The following CNTNAP2 variants were observed in gnomAD, a reference collection of about 807,000 sequenced individuals.
CNTNAP2 encodes the protein contactin-associated protein-like 2.
A neutral mutation model predicts 155.2 loss-of-function variants in CNTNAP2; 98 were observed. That is an observed-to-expected ratio of 0.63 (90% CI 0.54 to 0.75). The LOEUF is 0.75. CNTNAP2 is among the 30% of genes least tolerant of loss of function. The pLI, the probability that CNTNAP2 is intolerant of heterozygous loss-of-function variation, is 0.00. For synonymous variants in CNTNAP2, 651 were observed against 631.2 expected (o/e 1.03, Z -0.47); for missense variants, 1,727 against 1,688.1 (o/e 1.02, Z -0.40).
At chr7:146,491,744 C>T (rs1797142818) in intron 1 of CNTNAP2, among the ~76,000 whole-genome samples, 1 of 152,072 alleles carries the variant, frequency 6.6e-6, no homozygotes, top group Non-Finnish European at 1.5e-5. Flanking sequence ...TCTGTGGATA[C>T]AAAAGAAGTA....
At chr7:146,445,466 G>A (rs921560654) in intron 1 of CNTNAP2, among the ~76,000 whole-genome samples, 2 of 152,248 alleles carry the variant, frequency 1.3e-5, no homozygotes, top group South Asian at 4.1e-4. Flanking sequence ...TTTCACATGA[G>A]GTAACAAAAG....
rs572789417 is a variant in CNTNAP2, at chr7:146,659,917, G to A, written c.98-114354G>A. On this transcript the variant is annotated intron_variant, in intron 1 of 23. Coordinates refer to ENST00000361727, the MANE Select transcript of CNTNAP2 (RefSeq NM_014141.6). ...TGTTGGCACAGTGCTGAAGGATGGC[G>A]GCTGGCCAGCCTGCTTTACAAGTGA... 2.4e-4 allele frequency among the ~76,000 whole-genome samples: 36 copies of A among 152,300 alleles called. 1 individual carries two copies. The highest frequency in any genetic ancestry group is 8.2e-4 in the African/African-American group (34 of 41,564).
At chr7:147,668,584 T>C (rs1795736847) in intron 13 of CNTNAP2, among the ~76,000 whole-genome samples, 1 of 152,166 alleles carries the variant, frequency 6.6e-6, no homozygotes, top group Admixed American at 6.5e-5. Flanking sequence ...GTTTGGGTCT[T>C]AGTTTTTAAC....
intron 3 of CNTNAP2, among the ~76,000 whole-genome samples, chr7:147,038,342 T>C (rs781399606): frequency 2.6e-5 from 4 of 152,190 alleles, no homozygotes; most frequent in African/African-American, 4.8e-5. Context: ...AAATCTCAAA[T>C]GCAGTATATC....
At chr7:147,653,665 A>AG (rs1274205604) in intron 13 of CNTNAP2, among the ~76,000 whole-genome samples, 2 of 152,102 alleles carry the variant, frequency 1.3e-5, no homozygotes, top group Non-Finnish European at 1.5e-5. Context: ...AGCAGAGGGG[A>AG]GGGAGGTCCT....
intron 1 of CNTNAP2, among the ~76,000 whole-genome samples, chr7:146,303,626 C>A (rs2129088869): frequency 6.6e-6 from 1 of 152,184 alleles, no homozygotes; most frequent in East Asian, 1.9e-4. Flanking sequence ...GCACTGTGGT[C>A]TGAGAGACAG....
At chr7:148,409,811 G>C (rs1799787130) in intron 23 of CNTNAP2, among the ~76,000 whole-genome samples, 1 of 97,372 alleles carries the variant, frequency 1.0e-5, no homozygotes. Context: ...CAGCACTTTG[G>C]GAGGCCGAGG....
intron 15 of CNTNAP2, among the ~76,000 whole-genome samples, chr7:148,112,705 T>C (rs1404769748): frequency 6.6e-6 from 1 of 152,092 alleles, no homozygotes; most frequent in Non-Finnish European, 1.5e-5. Context: ...TGAATTTCAA[T>C]ATAACCAAAA....
chr7:147,116,592 CA>C (rs760616265), intron 5 of CNTNAP2, among the ~76,000 whole-genome samples: 3 of 152,242 alleles, frequency 2.0e-5, no homozygotes, highest in African/African-American at 7.2e-5. Context: ...CACACCTTGA[CA>C]AAACAGCTAT....
At chr7:146,366,549 A>G (rs1225008625) in intron 1 of CNTNAP2, among the ~76,000 whole-genome samples, 1 of 152,144 alleles carries the variant, frequency 6.6e-6, no homozygotes, top group African/African-American at 2.4e-5. Flanking sequence ...CACAAAAAGT[A>G]TTTTTGAAAT....
intron 10 of CNTNAP2, among the ~76,000 whole-genome samples, chr7:147,432,885 C>T (rs1016484777): frequency 1.3e-5 from 2 of 152,176 alleles, no homozygotes; most frequent in African/African-American, 4.8e-5. Context: ...CCTTCACTGG[C>T]ACTTACCTAA....
At chr7:146,995,937 C>T (rs1798300630) in intron 3 of CNTNAP2, among the ~76,000 whole-genome samples, 2 of 150,870 alleles carry the variant, frequency 1.3e-5, no homozygotes, top group African/African-American at 4.9e-5. Context: ...ATATTTAAAA[C>T]AAAACAAAAC....
At chr7:146,330,398 C>CT (rs1227512682) in intron 1 of CNTNAP2, among the ~76,000 whole-genome samples, 2 of 152,026 alleles carry the variant, frequency 1.3e-5, no homozygotes, top group Non-Finnish European at 2.9e-5. Context: ...GTTCCTGTAT[C>CT]TTTTTTGAAG....
intron 13 of CNTNAP2, among the ~76,000 whole-genome samples, chr7:147,771,493 A>G (rs1210891721): frequency 1.3e-5 from 2 of 152,204 alleles, no homozygotes; most frequent in South Asian, 2.1e-4. Flanking sequence ...TAAGGCAGGG[A>G]GGCTACAGCT....
At chr7:146,983,015 A>G (rs1253710942) in intron 3 of CNTNAP2, among the ~76,000 whole-genome samples, 1 of 152,214 alleles carries the variant, frequency 6.6e-6, no homozygotes, top group Admixed American at 6.5e-5. Flanking sequence ...TTGTTAAACC[A>G]CAATATTAAA....
Position 146,702,261 on chromosome 7 carries a change from C to T in CNTNAP2, c.98-72010C>T, listed in dbSNP as rs146226480. Among the ~76,000 whole-genome samples the T allele has an allele frequency of 3.2e-3, 480 of 151,862 alleles. 4 individuals are homozygous for T. Among genetic ancestry groups the T allele is most frequent in the African/African-American group, 9.0e-3 (372 of 41,442 alleles). On this transcript the variant is annotated intron_variant, in intron 1 of 23. Transcript: ENST00000361727. ...AATTAAGTAGTTTTATTCTATTAAA[C>T]GGGTATAGAATTGTGAAATTCTTTA...
At chr7:148,117,390 A>G (rs1264065633) in intron 15 of CNTNAP2, among the ~76,000 whole-genome samples, 1 of 152,200 alleles carries the variant, frequency 6.6e-6, no homozygotes, top group Non-Finnish European at 1.5e-5. Context: ...GAGGTGAGGA[A>G]ACTGCCCTAG....
At chr7:146,141,324 T>C (rs1337847048) in intron 1 of CNTNAP2, among the ~76,000 whole-genome samples, 1 of 152,202 alleles carries the variant, frequency 6.6e-6, no homozygotes, top group Non-Finnish European at 1.5e-5. Context: ...ATCAATATAT[T>C]ATTCGTGTAG....
At chr7:147,709,957 C>T (rs1796378490) in intron 13 of CNTNAP2, among the ~76,000 whole-genome samples, 1 of 151,874 alleles carries the variant, frequency 6.6e-6, no homozygotes, top group Admixed American at 6.6e-5. Flanking sequence ...AATCTTTTGC[C>T]TTTTGCTTGT....
Sources: gnomAD v4.1 joint callset for allele counts (sites outside exome capture counted in the v4.1 genomes callset) on GRCh38, gnomAD v4.1.1 for gene constraint, MANE v1.5 for transcripts, NCBI Gene and HGNC (gene_info 2026-07-23, HGNC 2026-07-21) for gene names.